Variants in GLI2 observed in about 807,000 individuals in gnomAD.
The protein encoded by GLI2 is transcription activator GLI2.
In GLI2, 22 loss-of-function variants were observed where a neutral mutation model predicts 78.9. The ratio of observed to expected loss-of-function variants is 0.28; its 90% confidence interval spans 0.20 to 0.40. GLI2 has a LOEUF of 0.40. Among genes scored for constraint, GLI2 ranks in the 10% least tolerant of loss-of-function variants. GLI2 has a pLI of 1.00. For missense variants in GLI2, 2,097 were observed against 2,213.2 expected, an observed-to-expected ratio of 0.95 and a Z score of 1.05; for synonymous variants, 974 against 963.7, an observed-to-expected ratio of 1.01 and a Z score of -0.20.
At chr2:120,877,793 G>A (rs1186808016) in intron 2 of GLI2, among the ~76,000 whole-genome samples, 4 of 152,128 alleles carry the variant, frequency 2.6e-5, no homozygotes, top group Non-Finnish European at 5.9e-5. Flanking sequence ...CATTTGGGTT[G>A]TTTCCAATTT....
chr2:120,774,208 A>T (rs1156992442), intron 1 of GLI2, among the ~76,000 whole-genome samples: 1 of 152,148 alleles, frequency 6.6e-6, no homozygotes, highest in Non-Finnish European at 1.5e-5. Context: ...TACAAGTGAA[A>T]GATGCTCTGC....
chr2:120,964,849 G>A (rs1681762039), intron 5 of GLI2, among the ~76,000 whole-genome samples: 1 of 152,268 alleles, frequency 6.6e-6, no homozygotes, highest in Non-Finnish European at 1.5e-5. Context: ...CTCTGAAGAT[G>A]GACAGAGAAG....
rs554126758 is a variant in GLI2, at chr2:120,988,611, C to T, written c.2646C>T (p.Gly882=). 2 of 1,468,588 alleles carry T rather than the reference C, an allele frequency of 1.4e-6. No individual in the cohort carries two copies. Among genetic ancestry groups the T allele is most frequent in the South Asian group, 2.6e-5 (2 of 78,028 alleles). The allele number at this position is 1,468,588 out of a possible 1,614,324, so 91.0% of individuals were successfully genotyped here. A position where few individuals can be genotyped will look rare whatever the true frequency, so the allele number is the denominator to read the frequency against. Residue 882 remains glycine, a synonymous_variant, in exon 14 of 14, where the codon GGC becomes GGT. Transcript: ENST00000361492. The part of the protein sequence containing the change: ...LRAKYAAATG[G]PPPTPLPGLE... ...CCAAGTACGCGGCAGCCACTGGCGGCCCCCCGCCCACTCCGCTGCCGGGCC... is the reference window on the plus strand; with the variant it reads ...CCAAGTACGCGGCAGCCACTGGCGGTCCCCCGCCCACTCCGCTGCCGGGCC...
At chr2:120,779,805 C>T (rs1348426365) in intron 1 of GLI2, among the ~76,000 whole-genome samples, 8 of 152,356 alleles carry the variant, frequency 5.3e-5, no homozygotes, top group Admixed American at 2.0e-4. Flanking sequence ...CTAACCACTC[C>T]GCCATCCTGC....
chr2:120,869,905 C>G (rs1179667838), intron 2 of GLI2, among the ~76,000 whole-genome samples: 2 of 152,100 alleles, frequency 1.3e-5, no homozygotes, highest in African/African-American at 4.8e-5. Flanking sequence ...TTCAGGGGGA[C>G]TGTCCAGAGG....
chr2:120,799,520 T>C (rs1490205401), intron 2 of GLI2, among the ~76,000 whole-genome samples: 1 of 152,060 alleles, frequency 6.6e-6, no homozygotes, highest in African/African-American at 2.4e-5. Flanking sequence ...CCTCCTGGAG[T>C]CAGGGGAGAG....
chr2:120,894,895 C>T (rs981871175), intron 2 of GLI2, among the ~76,000 whole-genome samples: 4 of 152,234 alleles, frequency 2.6e-5, no homozygotes, highest in Non-Finnish European at 5.9e-5. Context: ...GGCAGGGTTT[C>T]ACCATGTTGA....
intron 2 of GLI2, among the ~76,000 whole-genome samples, chr2:120,836,148 C>A (rs188823238): frequency 8.3e-4 from 126 of 152,268 alleles, no homozygotes; most frequent in African/African-American, 2.9e-3. Flanking sequence ...ATTTGAACCC[C>A]TATCTATTGC....
At position 120,988,862 on chromosome 2, in the gene GLI2, G is replaced by C. The variant is rs978189731; in HGVS notation, c.2897G>C (p.Arg966Pro). The C allele has an allele frequency of 4.7e-6, 7 of 1,493,974 alleles. No homozygotes were observed. The African/African-American group carries it at 5.8e-5, about 12-fold the overall frequency. The allele number at this position is 1,493,974 out of a possible 1,614,324, so 92.5% of individuals were successfully genotyped here. Residue 966 changes from arginine to proline, a missense_variant, in exon 14 of 14, where the codon CGG (arginine) becomes CCG (proline). By Grantham distance (103) the Arg-to-Pro change is moderately radical. This residue lies in a region of GLI2 where 1,290 missense variants were observed against 1,261.7 expected (regional missense o/e 1.02). Coordinates refer to ENST00000361492, the MANE Select transcript of GLI2 (RefSeq NM_001374353.1). The part of the protein sequence containing the change: ...VRRPDALSLP[R>P]VQRFHSTHNV... ...CGGCCCGATGCCCTGTCCCTGCCGC[G>C]GGTGCAGCGCTTCCACAGCACCCAC...
chr2:120,764,606 G>T (rs759818142), intron 1 of GLI2, among the ~76,000 whole-genome samples: 1 of 152,312 alleles, frequency 6.6e-6, no homozygotes, highest in African/African-American at 2.4e-5. Flanking sequence ...AAGGGAACAG[G>T]GTTGCCCAGA....
chr2:120,888,518 C>G (rs1315067807), intron 2 of GLI2, among the ~76,000 whole-genome samples: 1 of 152,080 alleles, frequency 6.6e-6, no homozygotes, highest in Non-Finnish European at 1.5e-5. Context: ...CAGTGTGATT[C>G]AGGGGAGAGT....
intron 2 of GLI2, among the ~76,000 whole-genome samples, chr2:120,908,610 G>A (rs1235177021): frequency 1.3e-5 from 2 of 152,176 alleles, no homozygotes; most frequent in Admixed American, 1.3e-4. Flanking sequence ...TAGGAGGGAA[G>A]ACACCCCCTG....
chr2:120,908,361 C>T (rs1678648577), intron 2 of GLI2, among the ~76,000 whole-genome samples: 4 of 152,166 alleles, frequency 2.6e-5, no homozygotes, highest in Admixed American at 2.6e-4. Flanking sequence ...GAAGTGGCAT[C>T]CTCGCCTCCC....
rs70954513 is a variant in GLI2 at position 120,896,696 on chromosome 2, TACACACACACAC to T, written c.149-30635_149-30624del. Among the ~76,000 whole-genome samples the T allele has an allele frequency of 6.2e-3, 803 of 128,900 alleles. 9 individuals are homozygous for T. Among genetic ancestry groups the T allele is most frequent in the African/African-American group, 0.02 (730 of 35,880 alleles). 84.6% of individuals were successfully genotyped at this position (128,900 alleles called of 152,430 possible). A position where few individuals can be genotyped will look rare whatever the true frequency, so the allele number is the denominator to read the frequency against. ...CCCCCCACACACTCACACACACCCA[TACACACACACAC>T]ACACACACACACACACACACACACA... On this transcript the variant is annotated intron_variant, in intron 2 of 13. Coordinates refer to ENST00000361492, the MANE Select transcript of GLI2 (RefSeq NM_001374353.1).
intron 1 of GLI2, among the ~76,000 whole-genome samples, chr2:120,736,846 C>T (rs1257728706): frequency 6.6e-6 from 1 of 150,956 alleles, no homozygotes; most frequent in African/African-American, 2.4e-5. Flanking sequence ...CCGGCCGCCC[C>T]CTCCCCCTCT....
intron 4 of GLI2, among the ~76,000 whole-genome samples, chr2:120,952,648 C>T (rs1186512099): frequency 1.3e-5 from 2 of 152,194 alleles, no homozygotes; most frequent in Non-Finnish European, 2.9e-5. Flanking sequence ...AAATGGCTAG[C>T]TGGAATGTGA....
intron 1 of GLI2, among the ~76,000 whole-genome samples, chr2:120,780,168 G>A (rs565736084): frequency 6.6e-6 from 1 of 152,210 alleles, no homozygotes; most frequent in East Asian, 1.9e-4. Context: ...GAAGAGGGAA[G>A]CCTGGAGTGA....
chr2:120,989,408 C>G lies in GLI2; in HGVS notation c.3443C>G (p.Pro1148Arg), dbSNP rs749492360. Residue 1148 changes from proline to arginine, a missense_variant, in exon 14 of 14, where the codon CCC (proline) becomes CGC (arginine). Physicochemically the swap from Pro to Arg is moderately radical, Grantham distance 103. This residue lies in a region of GLI2 where 1,290 missense variants were observed against 1,261.7 expected (regional missense o/e 1.02). Coordinates refer to ENST00000361492, the MANE Select transcript of GLI2 (RefSeq NM_001374353.1). Reference sequence around the variant, plus strand: ...CTGGCCAGCCAGGTGAAGCCTCCACCCTTTCCTCAGGGCAACCTGGCGGTG... The same window carrying G: ...CTGGCCAGCCAGGTGAAGCCTCCACGCTTTCCTCAGGGCAACCTGGCGGTG... ...DALASQVKPPPFPQGNLAVVQ... is the reference protein window; with the variant it reads ...DALASQVKPPRFPQGNLAVVQ... 6.2e-7 allele frequency: 1 copy of G among 1,613,076 alleles called. No individual in the cohort carries two copies. Among genetic ancestry groups the G allele is most frequent in the East Asian group, 2.2e-5 (1 of 44,876 alleles).
intron 11 of GLI2, among the ~76,000 whole-genome samples, chr2:120,983,857 G>A (rs1682828886): frequency 6.6e-6 from 1 of 152,146 alleles, no homozygotes; most frequent in African/African-American, 2.4e-5. Context: ...AGTCTCTATG[G>A]ACAAGAGCCA....
Sources: gnomAD v4.1 joint callset for allele counts (sites outside exome capture counted in the v4.1 genomes callset) on GRCh38, gnomAD v4.1.1 for gene constraint, gnomAD v4.1.1 regional missense constraint, MANE v1.5 for transcripts, NCBI Gene and HGNC (gene_info 2026-07-23, HGNC 2026-07-21) for gene names.